Variants in FOXP2 observed in about 807,000 individuals in gnomAD.
FOXP2 encodes forkhead box P2.
Under a neutral mutation model 115.8 loss-of-function variants are expected in FOXP2, and 12 were observed. The observed-to-expected ratio is 0.10, with a 90% CI of 0.07 to 0.17. The LOEUF is 0.17. Among genes scored for constraint, FOXP2 ranks in the 10% least tolerant of loss-of-function variants. FOXP2 has a pLI of 1.00. For missense variants in FOXP2, 629 were observed against 843.5 expected (o/e 0.75, Z 3.15); for synonymous variants, 328 against 297.7 (o/e 1.10, Z -1.05).
At chr7:114,686,286 CCT>C (rs1440187883) in intron 16 of FOXP2, among the ~76,000 whole-genome samples, 1 of 152,028 alleles carries the variant, frequency 6.6e-6, no homozygotes, top group African/African-American at 2.4e-5. Flanking sequence ...GATTTTCCCA[CCT>C]CGGCCTCCCG....
At chr7:114,397,985 T>A (rs1198706869) in intron 2 of FOXP2, among the ~76,000 whole-genome samples, 1 of 152,148 alleles carries the variant, frequency 6.6e-6, no homozygotes, top group Non-Finnish European at 1.5e-5. Flanking sequence ...AGATTAAGTT[T>A]TTTTTTTCTT....
At chr7:114,386,700 A>T (rs1484237386) in intron 2 of FOXP2, among the ~76,000 whole-genome samples, 1 of 152,210 alleles carries the variant, frequency 6.6e-6, no homozygotes, top group Admixed American at 6.5e-5. Context: ...GCCAACATAC[A>T]TAGAGACAAG....
chr7:114,562,771 C>G (rs1305575634), intron 3 of FOXP2, among the ~76,000 whole-genome samples: 1 of 70,432 alleles, frequency 1.4e-5, no homozygotes, highest in Non-Finnish European at 2.5e-5. Context: ...TTATCTTAAC[C>G]CTGTTTTTTT....
At chr7:114,223,857 A>C (rs952263771) in intron 1 of FOXP2, among the ~76,000 whole-genome samples, 6 of 151,856 alleles carry the variant, frequency 4.0e-5, no homozygotes, top group African/African-American at 1.4e-4. Context: ...TTAATTTATC[A>C]AAAAAATTTT....
intron 2 of FOXP2, among the ~76,000 whole-genome samples, chr7:114,513,821 T>C (rs903440829): frequency 2.6e-5 from 4 of 152,142 alleles, no homozygotes; most frequent in African/African-American, 9.7e-5. Flanking sequence ...AAGTGTTCTC[T>C]ATATTTAGTG....
At chr7:114,400,191 TTTGTTGTTG>T (rs551732873) in intron 2 of FOXP2, among the ~76,000 whole-genome samples, 6 of 151,926 alleles carry the variant, frequency 3.9e-5, no homozygotes, top group Admixed American at 6.6e-5. Flanking sequence ...ATTTATGTTT[TTTGTTGTTG>T]TTGTTGTTGT....
chr7:114,271,097 GCTAT>G (rs751569692), intron 1 of FOXP2, among the ~76,000 whole-genome samples: 25 of 151,698 alleles, frequency 1.6e-4, no homozygotes, highest in Admixed American at 3.3e-4. Flanking sequence ...CTATTTCTAG[GCTAT>G]CTATTTTGTT....
At chr7:114,176,179 T>G (rs529022817) in intron 1 of FOXP2, among the ~76,000 whole-genome samples, 37 of 145,290 alleles carry the variant, frequency 2.5e-4, no homozygotes, top group Non-Finnish European at 1.2e-4. Flanking sequence ...GATTTCTCTT[T>G]TCTTGTCTTG....
intron 1 of FOXP2, among the ~76,000 whole-genome samples, chr7:114,108,218 T>C (rs557674652): frequency 6.6e-6 from 1 of 152,044 alleles, no homozygotes; most frequent in South Asian, 2.1e-4. Context: ...CCTTCAGTGT[T>C]GGTCTTTTTA....
At chr7:114,245,256 G>A (rs555344277) in intron 1 of FOXP2, among the ~76,000 whole-genome samples, 5 of 152,190 alleles carry the variant, frequency 3.3e-5, no homozygotes, top group Admixed American at 1.3e-4. Flanking sequence ...ATTACACAGT[G>A]CCTTGAACAT....
chr7:114,624,033 A>G (rs1425107927), intron 3 of FOXP2, among the ~76,000 whole-genome samples: 5 of 151,938 alleles, frequency 3.3e-5, no homozygotes, highest in African/African-American at 7.2e-5. Flanking sequence ...TTGAAAGGCT[A>G]TTATTATGAT....
intron 2 of FOXP2, among the ~76,000 whole-genome samples, chr7:114,497,665 GTAAATAAATAAATAAATAAATAAA>G (rs3028216): frequency 2.1e-5 from 3 of 145,538 alleles, no homozygotes; most frequent in Admixed American, 1.4e-4. Flanking sequence ...AAATAAATAA[GTAAATAAATAAATAAATAAATAAA>G]TAAATAAATA....
At chr7:114,551,088 AT>A (rs1800183426) in intron 3 of FOXP2, among the ~76,000 whole-genome samples, 1 of 152,198 alleles carries the variant, frequency 6.6e-6, no homozygotes, top group Non-Finnish European at 1.5e-5. Context: ...AATCCACAGA[AT>A]TTCATGTGAA....
chr7:114,202,034 T>A (rs1241563620), intron 1 of FOXP2, among the ~76,000 whole-genome samples: 1 of 152,106 alleles, frequency 6.6e-6, no homozygotes, highest in Non-Finnish European at 1.5e-5. Context: ...CAAAAATAAT[T>A]AAGAAAACTT....
intron 1 of FOXP2, among the ~76,000 whole-genome samples, chr7:114,424,457 C>T (rs1012928386): frequency 1.3e-5 from 2 of 151,306 alleles, no homozygotes; most frequent in East Asian, 3.9e-4. Context: ...AATTTAAATG[C>T]AATATGTAAA....
At chr7:114,451,239 T>G (rs1326731580) in intron 2 of FOXP2, among the ~76,000 whole-genome samples, 1 of 152,018 alleles carries the variant, frequency 6.6e-6, no homozygotes, top group Non-Finnish European at 1.5e-5. Flanking sequence ...AAATGGCCTC[T>G]TGACACATGT....
At chr7:114,509,670 T>G (rs113046229) in intron 2 of FOXP2, among the ~76,000 whole-genome samples, 14 of 139,144 alleles carry the variant, frequency 1.0e-4, no homozygotes, top group East Asian at 2.3e-4. Context: ...TTTTCTTTGG[T>G]GGGGGGGGGG....
intron 3 of FOXP2, among the ~76,000 whole-genome samples, chr7:114,534,950 T>A (rs1172214455): frequency 1.3e-5 from 2 of 151,822 alleles, no homozygotes; most frequent in Non-Finnish European, 2.9e-5. Flanking sequence ...ATATTTGGTG[T>A]ACATAGGCAT....
chr7:114,316,299 G>A (rs1350119088), intron 2 of FOXP2, among the ~76,000 whole-genome samples: 3 of 152,116 alleles, frequency 2.0e-5, no homozygotes, highest in Admixed American at 6.6e-5. Context: ...TATCGAAAAT[G>A]TTTTATCAAA....
Sources: gnomAD v4.1 joint callset for allele counts (sites outside exome capture counted in the v4.1 genomes callset) on GRCh38, gnomAD v4.1.1 for gene constraint, MANE v1.5 for transcripts, NCBI Gene and HGNC (gene_info 2026-07-23, HGNC 2026-07-21) for gene names.